Variants in MAF observed in about 807,000 individuals in gnomAD.
MAF encodes transcription factor Maf.
MAF carries 10 observed loss-of-function variants against 22.0 expected under a neutral mutation model. The ratio of observed to expected loss-of-function variants is 0.45; its 90% CI spans 0.28 to 0.77. MAF has a LOEUF of 0.77. Among genes scored for constraint, MAF ranks in the 30% least tolerant of loss-of-function variants. The probability of loss-of-function intolerance (pLI) is 0.12; values close to 1 mark genes in which losing one functional copy is unlikely to be tolerated. For synonymous variants in MAF, 337 were observed against 255.8 expected (o/e 1.32, Z -3.03); for missense variants, 544 against 548.4 (o/e 0.99, Z 0.08).
At chr16:79,540,876 G>A in the MAF span, among the ~76,000 whole-genome samples, 1 of 151,818 alleles carries the variant, frequency 6.6e-6, no homozygotes, top group African/African-American at 2.4e-5. Context: ...CACAATCTAG[G>A]TTAATTATTA....
the MAF span, among the ~76,000 whole-genome samples, chr16:79,384,808 G>A: frequency 2.7e-3 from 416 of 152,222 alleles, 2 homozygotes; most frequent in African/African-American, 9.6e-3. Context: ...GCTCACTTTG[G>A]GGAAGTGAAG....
At chr16:79,258,009 G>A in the MAF span, among the ~76,000 whole-genome samples, 1 of 152,144 alleles carries the variant, frequency 6.6e-6, no homozygotes, top group Non-Finnish European at 1.5e-5. Context: ...ATTTTAAAAT[G>A]AGAATAAAAT....
At chr16:79,239,155 C>T in the MAF span, among the ~76,000 whole-genome samples, 1 of 152,050 alleles carries the variant, frequency 6.6e-6, no homozygotes, top group African/African-American at 2.4e-5. Context: ...GTGTTTGCAG[C>T]TCCTGATTTT....
At chr16:79,555,551 C>A in the MAF span, among the ~76,000 whole-genome samples, 1 of 152,138 alleles carries the variant, frequency 6.6e-6, no homozygotes, top group East Asian at 1.9e-4. Context: ...TGGAAAGATA[C>A]CTGCAATACC....
the MAF span, among the ~76,000 whole-genome samples, chr16:79,435,943 A>C: frequency 6.6e-6 from 1 of 152,192 alleles, no homozygotes; most frequent in African/African-American, 2.4e-5. Flanking sequence ...ATTCATTAGC[A>C]AGAAGGGTGC....
chr16:79,497,552 A>G, the MAF span, among the ~76,000 whole-genome samples: 1 of 152,228 alleles, frequency 6.6e-6, no homozygotes, highest in African/African-American at 2.4e-5. Flanking sequence ...AAACTCTGCC[A>G]GGAGGAAGGG....
the MAF span, chr16:79,212,014 G>C: frequency 8.5e-6 from 13 of 1,536,240 alleles, no homozygotes; most frequent in Non-Finnish European, 1.1e-5. Context: ...CTAGGCATAG[G>C]TCTCTTTGCT....
the MAF span, among the ~76,000 whole-genome samples, chr16:79,414,746 T>A: frequency 6.6e-6 from 1 of 152,136 alleles, no homozygotes; most frequent in Non-Finnish European, 1.5e-5. Flanking sequence ...AAAATGGAGT[T>A]TTGTTAATCA....
At chr16:79,324,357 T>C in the MAF span, among the ~76,000 whole-genome samples, 197 of 152,228 alleles carry the variant, frequency 1.3e-3, no homozygotes, top group Non-Finnish European at 2.0e-3. Context: ...AAATATGGAT[T>C]GAAAACACAA....
chr16:79,583,114 C>G (rs1368715628), downstream of MAF, among the ~76,000 whole-genome samples: 3 of 152,156 alleles, frequency 2.0e-5, no homozygotes, highest in Non-Finnish European at 2.9e-5. Context: ...GACACCCACA[C>G]CAACACTCAG....
the MAF span, among the ~76,000 whole-genome samples, chr16:79,311,817 C>T: frequency 3.3e-5 from 5 of 152,136 alleles, no homozygotes; most frequent in African/African-American, 9.7e-5. Context: ...TGAAAGTGGT[C>T]GGCACTTCTG....
At chr16:79,546,980 G>A in the MAF span, among the ~76,000 whole-genome samples, 2 of 152,114 alleles carry the variant, frequency 1.3e-5, no homozygotes, top group African/African-American at 4.8e-5. Flanking sequence ...GCAAATTTGG[G>A]GGTGATGACA....
the MAF span, among the ~76,000 whole-genome samples, chr16:79,458,417 T>C: frequency 6.6e-6 from 1 of 151,974 alleles, no homozygotes; most frequent in Non-Finnish European, 1.5e-5. Context: ...AGAGACAGAG[T>C]GTTTTTATTT....
chr16:79,290,429 C>G, the MAF span, among the ~76,000 whole-genome samples: 803 of 152,252 alleles, frequency 5.3e-3, 5 homozygotes, highest in Middle Eastern at 0.031. Flanking sequence ...TCTGAATACC[C>G]TTTGGGTTCA....
the MAF span, chr16:79,212,705 TCA>T: frequency 3.9e-5 from 6 of 152,296 alleles, no homozygotes; most frequent in South Asian, 2.1e-4. Flanking sequence ...AATGTTTGTT[TCA>T]GTTTGTTTTT....
chr16:79,342,116 T>C, the MAF span, among the ~76,000 whole-genome samples: 5 of 152,226 alleles, frequency 3.3e-5, no homozygotes, highest in Non-Finnish European at 5.9e-5. Flanking sequence ...ATTTTGGGTA[T>C]GTAACACCGA....
chr16:79,210,928 C>A, the MAF span, among the ~76,000 whole-genome samples: 1 of 152,080 alleles, frequency 6.6e-6, no homozygotes, highest in Non-Finnish European at 1.5e-5. Context: ...TACCTGTGGT[C>A]CCATTGTAAA....
At chr16:79,368,196 C>T in the MAF span, among the ~76,000 whole-genome samples, 4 of 152,120 alleles carry the variant, frequency 2.6e-5, no homozygotes, top group African/African-American at 7.2e-5. Context: ...TAGTTTTCAT[C>T]GCGTCTGGGA....
At chr16:79,228,824 C>T in the MAF span, among the ~76,000 whole-genome samples, 1 of 151,914 alleles carries the variant, frequency 6.6e-6, no homozygotes, top group African/African-American at 2.4e-5. Flanking sequence ...GGGTTTCCAC[C>T]AAGGGTGCAG....
Sources: gnomAD v4.1 joint callset for allele counts (sites outside exome capture counted in the v4.1 genomes callset) on GRCh38, gnomAD v4.1.1 for gene constraint, MANE v1.5 for transcripts, NCBI Gene and HGNC (gene_info 2026-07-23, HGNC 2026-07-21) for gene names.